COMMD1: variants seen among roughly 807,000 people sequenced by gnomAD.
COMMD1 encodes COMM domain-containing protein 1.
Under a neutral mutation model 17.2 loss-of-function variants are expected in COMMD1, and 10 were observed. The ratio of observed to expected loss-of-function variants is 0.58; its 90% CI spans 0.36 to 0.99. The LOEUF (loss-of-function observed/expected upper bound fraction) is 0.99. Ranked by LOEUF, COMMD1 falls within the 50% of genes least tolerant of loss-of-function variation. The pLI, the probability that COMMD1 is intolerant of heterozygous loss-of-function variation, is 0.01. For missense variants in COMMD1, 270 were observed against 231.8 expected, an observed-to-expected ratio of 1.17 and a Z score of -1.07; for synonymous variants, 97 against 91.6, an observed-to-expected ratio of 1.06 and a Z score of -0.34.
intron 1 of COMMD1, among the ~76,000 whole-genome samples, chr2:61,953,392 TGA>T (rs1329818468): frequency 7.2e-6 from 1 of 138,984 alleles, no homozygotes; most frequent in East Asian, 2.1e-4. Context: ...TTTTTGAGAC[TGA>T]GTCTCATTCT....
At chr2:61,900,477 T>C (rs1669634755) in intron 1 of COMMD1, among the ~76,000 whole-genome samples, 1 of 152,268 alleles carries the variant, frequency 6.6e-6, no homozygotes, top group Non-Finnish European at 1.5e-5. Context: ...CAGGCATGAC[T>C]TAACTCTTGC....
chr2:62,053,129 C>G (rs1279413371), intron 2 of COMMD1, among the ~76,000 whole-genome samples: 1 of 152,088 alleles, frequency 6.6e-6, no homozygotes, highest in Non-Finnish European at 1.5e-5. Context: ...ATTCTGATGC[C>G]TATCTCACCC....
At chr2:62,077,277 ATT>A (rs972477935) in intron 2 of COMMD1, among the ~76,000 whole-genome samples, 3 of 152,236 alleles carry the variant, frequency 2.0e-5, no homozygotes, top group Admixed American at 2.0e-4. Flanking sequence ...TTATAATAAA[ATT>A]ACACATTTAT....
intron 1 of COMMD1, among the ~76,000 whole-genome samples, chr2:61,966,936 G>A (rs1671520624): frequency 6.6e-6 from 1 of 152,044 alleles, no homozygotes; most frequent in Non-Finnish European, 1.5e-5. Context: ...CCGTCAACTT[G>A]AAGTATTTTC....
At chr2:61,964,083 A>G (rs1402859118) in intron 1 of COMMD1, among the ~76,000 whole-genome samples, 1 of 152,224 alleles carries the variant, frequency 6.6e-6, no homozygotes, top group Admixed American at 6.5e-5. Context: ...GGAAGTAGAT[A>G]GTGTTTCCCA....
rs142584799 is a variant in COMMD1 at position 62,115,307 on chromosome 2, A to G, written c.463-20524A>G. Among the ~76,000 whole-genome samples the G allele has an allele frequency of 2.3e-3, 343 of 152,384 alleles. 2 individuals are homozygous for G. The highest frequency in any genetic ancestry group is 7.8e-3 in the African/African-American group (326 of 41,598). On this transcript the variant is annotated intron_variant, in intron 2 of 2. Coordinates refer to ENST00000311832, the MANE Select transcript of COMMD1 (RefSeq NM_152516.4). ...TAGTCAATAGATTAGGCACACGCACACATAGTGTGCAATATTTCTCACATT... is the reference window on the plus strand; with the variant it reads ...TAGTCAATAGATTAGGCACACGCACGCATAGTGTGCAATATTTCTCACATT...
At position 61,920,857 on chromosome 2, in the gene COMMD1, A is replaced by G. The variant is rs1001532602; in HGVS notation, c.180+14999A>G. 3.3e-5 allele frequency among the ~76,000 whole-genome samples: 5 copies of G among 151,464 alleles called. No individual in the cohort carries two copies. In the Admixed American group the frequency reaches 3.3e-4, roughly 10 times the overall value. On this transcript the variant is annotated intron_variant, in intron 1 of 2. Coordinates refer to ENST00000311832, the MANE Select transcript of COMMD1 (RefSeq NM_152516.4). The stretch of plus-strand genomic sequence containing the variant: ...ACCCTTAAAGATTTTTACTAGAGAA[A>G]ATCCTGGAGGTATATATGTTTATAT...
intron 1 of COMMD1, among the ~76,000 whole-genome samples, chr2:61,890,818 C>A (rs1446448534): frequency 1.1e-5 from 1 of 91,230 alleles, no homozygotes; most frequent in Non-Finnish European, 2.0e-5. Flanking sequence ...TAGAGCAAGA[C>A]TTTGTCTCAA....
At chr2:62,100,934 G>T (rs1672162576) in intron 2 of COMMD1, among the ~76,000 whole-genome samples, 1 of 152,148 alleles carries the variant, frequency 6.6e-6, no homozygotes, top group Non-Finnish European at 1.5e-5. Context: ...CATGTTTTGG[G>T]ATTAAATATT....
chr2:62,063,868 A>AATATATATATAT (rs55740628), intron 2 of COMMD1, among the ~76,000 whole-genome samples: 1,364 of 81,060 alleles, frequency 0.017, 69 homozygotes, highest in African/African-American at 0.022. Context: ...GTCTCTACAA[A>AATATATATATAT]ATATATATAT....
chr2:61,924,928 C>T (rs774707417), intron 1 of COMMD1, among the ~76,000 whole-genome samples: 1 of 152,132 alleles, frequency 6.6e-6, no homozygotes, highest in Non-Finnish European at 1.5e-5. Context: ...CTGTATCAGG[C>T]GTCCCTGAAG....
chr2:61,990,895 T>C (rs1672230834), intron 1 of COMMD1, among the ~76,000 whole-genome samples: 2 of 106,384 alleles, frequency 1.9e-5, no homozygotes. Context: ...AAAAAAAATA[T>C]ATATATATAC....
chr2:62,113,039 G>A (rs1672496284), intron 2 of COMMD1, among the ~76,000 whole-genome samples: 1 of 152,106 alleles, frequency 6.6e-6, no homozygotes. Flanking sequence ...TTTTCTCCTT[G>A]AATTAAAGAT....
chr2:62,051,987 C>A (rs139732427), intron 2 of COMMD1, among the ~76,000 whole-genome samples: 2,608 of 152,304 alleles, frequency 0.017, 52 homozygotes, highest in Non-Finnish European at 0.027. Flanking sequence ...AGTTCCTCAT[C>A]TCCTTTCTCA....
At chr2:62,080,115 A>G (rs1447806532) in intron 2 of COMMD1, among the ~76,000 whole-genome samples, 1 of 152,148 alleles carries the variant, frequency 6.6e-6, no homozygotes, top group African/African-American at 2.4e-5. Flanking sequence ...AATCATATAA[A>G]CAATATGCTT....
rs372845553 is a variant in COMMD1 at position 62,080,630 on chromosome 2, A to C, written c.463-55201A>C. On this transcript the variant is annotated intron_variant, in intron 2 of 2. Transcript: ENST00000311832. ...TGTCAAGCTCCTTTTCAAAAATTACAAAAGACTGCTACTGATAAAACTACT... is the reference window on the plus strand; with the variant it reads ...TGTCAAGCTCCTTTTCAAAAATTACCAAAGACTGCTACTGATAAAACTACT... Among the ~76,000 whole-genome samples the C allele has an allele frequency of 2.6e-5, 4 of 152,334 alleles. No homozygotes were observed. The East Asian group carries it at 5.8e-4, about 22-fold the overall frequency.
chr2:61,907,169 G>A (rs766232688), intron 1 of COMMD1, among the ~76,000 whole-genome samples: 13 of 152,168 alleles, frequency 8.5e-5, no homozygotes, highest in Admixed American at 2.6e-4. Context: ...GCAGTGGCCC[G>A]ATCTCGGCTC....
chr2:62,033,828 G>A (rs1669971608), intron 2 of COMMD1, among the ~76,000 whole-genome samples: 1 of 151,838 alleles, frequency 6.6e-6, no homozygotes, highest in African/African-American at 2.4e-5. Context: ...TATCAAAAGA[G>A]GCTGGACACA....
At chr2:62,069,997 G>C (rs1671155998) in intron 2 of COMMD1, 1 of 152,180 alleles carries the variant, frequency 6.6e-6, no homozygotes, top group South Asian at 2.1e-4. Flanking sequence ...AGTTAGCATA[G>C]ACCCCACAAG....
Sources: allele counts gnomAD v4.1 joint callset (sites outside exome capture counted in the v4.1 genomes callset), GRCh38; gene constraint gnomAD v4.1.1; transcripts MANE v1.5; gene names NCBI Gene and HGNC (gene_info 2026-07-23, HGNC 2026-07-21).